The following RANBP2 variants were observed in gnomAD, a reference collection of about 807,000 sequenced individuals.
The protein encoded by RANBP2 is E3 SUMO-protein ligase RanBP2.
In RANBP2, 57 loss-of-function variants were observed where a neutral mutation model predicts 303.6. That is an observed-to-expected ratio of 0.19 (90% confidence interval 0.15 to 0.23). The LOEUF is 0.23. Among genes scored for constraint, RANBP2 ranks in the 10% least tolerant of loss-of-function variants. The probability of loss-of-function intolerance (pLI) is 1.00; values close to 1 mark genes in which losing one functional copy is unlikely to be tolerated. For synonymous variants in RANBP2, 1,167 were observed against 1,301.5 expected (o/e 0.90, Z 2.23); for missense variants, 3,138 against 3,780.8 (o/e 0.83, Z 4.46).
At chr2:109,678,046 C>T in the RANBP2 span, among the ~76,000 whole-genome samples, 1 of 152,200 alleles carries the variant, frequency 6.6e-6, no homozygotes, top group Non-Finnish European at 1.5e-5. Context: ...TCGCACCCCA[C>T]CGCCTGTTGC....
At chr2:109,008,524 A>G in the RANBP2 span, among the ~76,000 whole-genome samples, 1 of 151,430 alleles carries the variant, frequency 6.6e-6, no homozygotes, top group African/African-American at 2.4e-5. Flanking sequence ...GGCACTTGGT[A>G]CATGCCCTGT....
At chr2:109,063,460 G>A in the RANBP2 span, among the ~76,000 whole-genome samples, 1 of 152,142 alleles carries the variant, frequency 6.6e-6, no homozygotes, top group Non-Finnish European at 1.5e-5. Flanking sequence ...CTTCAGAAAC[G>A]AGCGCATGGA....
chr2:109,075,025 C>CAAAAAAAAAAAA, the RANBP2 span, among the ~76,000 whole-genome samples: 5 of 44,630 alleles, frequency 1.1e-4, no homozygotes, highest in Admixed American at 3.2e-4. Flanking sequence ...GTCTCCATCT[C>CAAAAAAAAAAAA]AAAAAAAAAA....
At chr2:109,295,594 A>G in the RANBP2 span, among the ~76,000 whole-genome samples, 2 of 152,186 alleles carry the variant, frequency 1.3e-5, no homozygotes, top group African/African-American at 4.8e-5. Flanking sequence ...TCCCAGCCAC[A>G]TGCTTGTAGC....
chr2:109,467,195 A>T, the RANBP2 span, among the ~76,000 whole-genome samples: 1 of 152,276 alleles, frequency 6.6e-6, no homozygotes, highest in Non-Finnish European at 1.5e-5. Flanking sequence ...AGGGATCCGT[A>T]GCAGCTTTAT....
the RANBP2 span, among the ~76,000 whole-genome samples, chr2:109,358,303 A>G: frequency 6.6e-6 from 1 of 152,298 alleles, no homozygotes; most frequent in African/African-American, 2.4e-5. Context: ...CACCTACTAA[A>G]CGACATCTTG....
the RANBP2 span, among the ~76,000 whole-genome samples, chr2:109,329,575 A>G: frequency 6.6e-6 from 1 of 152,174 alleles, no homozygotes; most frequent in Non-Finnish European, 1.5e-5. Flanking sequence ...AGCAAGTTTC[A>G]GAGGTGGAAG....
At chr2:109,516,500 A>G in the RANBP2 span, among the ~76,000 whole-genome samples, 1 of 152,246 alleles carries the variant, frequency 6.6e-6, no homozygotes, top group African/African-American at 2.4e-5. Context: ...GGCTGTGGCC[A>G]CCGGGTCACA....
chr2:109,555,011 C>A, the RANBP2 span, among the ~76,000 whole-genome samples: 7 of 152,128 alleles, frequency 4.6e-5, no homozygotes, highest in African/African-American at 1.7e-4. Flanking sequence ...TCTACAGATA[C>A]CAGATTACAG....
the RANBP2 span, among the ~76,000 whole-genome samples, chr2:109,269,507 G>A: frequency 2.6e-5 from 4 of 152,286 alleles, no homozygotes; most frequent in Admixed American, 2.0e-4. Flanking sequence ...CAAGCCAGGC[G>A]TGGTGGCTCA....
chr2:109,656,021 T>C, the RANBP2 span, among the ~76,000 whole-genome samples: 1 of 152,204 alleles, frequency 6.6e-6, no homozygotes, highest in South Asian at 2.1e-4. Context: ...TAACCATTCT[T>C]CTAAGTCTAG....
chr2:109,531,890 G>C, the RANBP2 span, among the ~76,000 whole-genome samples: 1 of 152,222 alleles, frequency 6.6e-6, no homozygotes, highest in African/African-American at 2.4e-5. Flanking sequence ...GTGAGCTCTG[G>C]CTCAACCCAC....
chr2:108,834,989 C>G, the RANBP2 span, among the ~76,000 whole-genome samples: 1 of 152,220 alleles, frequency 6.6e-6, no homozygotes. Context: ...CAATTGAAGT[C>G]AAATGGATCT....
chr2:109,213,960 C>A, the RANBP2 span, among the ~76,000 whole-genome samples: 1 of 152,318 alleles, frequency 6.6e-6, no homozygotes, highest in East Asian at 1.9e-4. Flanking sequence ...AGGCCTGGAG[C>A]AGTCCCTGCA....
the RANBP2 span, among the ~76,000 whole-genome samples, chr2:109,539,789 T>G: frequency 0.032 from 4,835 of 152,262 alleles, 260 homozygotes; most frequent in African/African-American, 0.11. Context: ...AAATGTCACA[T>G]AAATGAAATC....
the RANBP2 span, among the ~76,000 whole-genome samples, chr2:109,562,218 T>A: frequency 4.4e-5 from 5 of 114,236 alleles, no homozygotes; most frequent in South Asian, 2.4e-4. Flanking sequence ...ATCTCAAAAA[T>A]AATAATAATA....
the RANBP2 span, among the ~76,000 whole-genome samples, chr2:109,582,026 T>C: frequency 2.0e-5 from 3 of 151,640 alleles, no homozygotes; most frequent in Admixed American, 2.0e-4. Context: ...TGTATATCAA[T>C]AATGGTCAAG....
the RANBP2 span, among the ~76,000 whole-genome samples, chr2:109,340,647 A>G: frequency 6.6e-6 from 1 of 152,208 alleles, no homozygotes; most frequent in East Asian, 1.9e-4. Flanking sequence ...TGTTTGCCTC[A>G]GCAAGTAGTC....
the RANBP2 span, chr2:108,882,076 C>G: frequency 1.3e-5 from 2 of 152,116 alleles, no homozygotes; most frequent in Non-Finnish European, 2.9e-5. Flanking sequence ...GTCACATGAG[C>G]CCAGGAGTTG....
Sources: allele counts gnomAD v4.1 joint callset (sites outside exome capture counted in the v4.1 genomes callset), GRCh38; gene constraint gnomAD v4.1.1; transcripts MANE v1.5; gene names NCBI Gene and HGNC (gene_info 2026-07-23, HGNC 2026-07-21).